The following PCDHGA2 variants were observed in gnomAD, a reference collection of about 807,000 sequenced individuals.
The protein encoded by PCDHGA2 is protocadherin gamma-A2.
PCDHGA2 carries 40 observed loss-of-function variants against 59.2 expected under a neutral mutation model. The observed-to-expected ratio is 0.68, with a 90% CI of 0.52 to 0.88. PCDHGA2 has a LOEUF of 0.88. PCDHGA2 is among the 40% of genes least tolerant of loss of function. The pLI, the probability that PCDHGA2 is intolerant of heterozygous loss-of-function variation, is 0.00. For synonymous variants in PCDHGA2, 560 were observed against 526.0 expected, an observed-to-expected ratio of 1.06 and a Z score of -0.89; for missense variants, 1,226 against 1,204.0, an observed-to-expected ratio of 1.02 and a Z score of -0.27.
chr5:141,476,507 A>G lies in PCDHGA2; in HGVS notation c.2425-18300A>G. 1 of 1,614,102 alleles carries G rather than the reference A, an allele frequency of 6.2e-7. No individual in the cohort carries two copies. The highest frequency in any genetic ancestry group is 8.5e-7 in the Non-Finnish European group (1 of 1,180,008). On this transcript the variant is annotated intron_variant, in intron 1 of 3. Transcript: ENST00000394576. This position sits in a 1 kb window ranked among gnomAD's most constrained non-coding sequence, Gnocchi z 7.6. Reference sequence around the variant, plus strand: ...AGTGGTGATCCAGGACATCAACGACAACAATCCTGCTTTCCCTACCCAGGA... The same window carrying G: ...AGTGGTGATCCAGGACATCAACGACGACAATCCTGCTTTCCCTACCCAGGA...
At chr5:141,375,751 T>C (rs1389189532) in intron 1 of PCDHGA2, 3 of 1,614,108 alleles carry the variant, frequency 1.9e-6, no homozygotes, top group Non-Finnish European at 2.5e-6. Context: ...TGGACCAGAA[T>C]GACAATGCGC....
At chr5:141,346,901 T>C (rs562632250) in intron 1 of PCDHGA2, among the ~76,000 whole-genome samples, 2 of 152,364 alleles carry the variant, frequency 1.3e-5, no homozygotes, top group Admixed American at 6.5e-5. Context: ...TCCTGATACA[T>C]ACAAGTAAAA....
At chr5:141,415,614 G>A (rs1476229913) in intron 1 of PCDHGA2, 1 of 1,612,128 alleles carries the variant, frequency 6.2e-7, no homozygotes, top group Admixed American at 1.7e-5. Flanking sequence ...TGGTTCCAGT[G>A]AGTTTTATTT....
chr5:141,431,066 CAATT>C lies in PCDHGA2; in HGVS notation c.2425-63738_2425-63735del, dbSNP rs762972663. ...GCTCTGTATGGGGGCCATCAAGTGT[CAATT>C]AAATCTAGACATTCTGATGGAGGAT... On this transcript the variant is annotated intron_variant, in intron 1 of 3. Transcript: ENST00000394576. This position sits in a 1 kb window ranked among gnomAD's most constrained non-coding sequence, Gnocchi z 4.8. 9 of 1,614,042 alleles carry C rather than the reference CAATT, an allele frequency of 5.6e-6. No individual in the cohort carries two copies. The East Asian group carries it at 2.0e-4, about 36-fold the overall frequency.
intron 1 of PCDHGA2, chr5:141,344,667 C>G (rs1261447626): frequency 6.2e-7 from 1 of 1,613,862 alleles, no homozygotes; most frequent in Non-Finnish European, 8.5e-7. Flanking sequence ...CCAGCTTGTC[C>G]TGGTTGCCTC....
At chr5:141,465,186 G>T (rs2099098546) in intron 1 of PCDHGA2, among the ~76,000 whole-genome samples, 1 of 151,852 alleles carries the variant, frequency 6.6e-6, no homozygotes, top group African/African-American at 2.4e-5. Flanking sequence ...TTAATTAAAA[G>T]ATAAAAATAA....
At chr5:141,364,096 G>A in intron 1 of PCDHGA2, 1 of 400,034 alleles carries the variant, frequency 2.5e-6, no homozygotes, top group Non-Finnish European at 4.4e-6. Context: ...GGAATTTGAT[G>A]CAGTCACTGG....
At chr5:141,415,401 G>A (rs1408496357) in intron 1 of PCDHGA2, 9 of 1,614,088 alleles carry the variant, frequency 5.6e-6, no homozygotes, top group East Asian at 2.2e-5. Context: ...TGTCCGGCTC[G>A]CACTTTGTGG....
At chr5:141,398,611 A>C (rs2093677658) in intron 1 of PCDHGA2, 3 of 1,613,944 alleles carry the variant, frequency 1.9e-6, no homozygotes, top group Non-Finnish European at 2.5e-6. Flanking sequence ...AGATGCAGAT[A>C]TTGGCTTAAA....
intron 1 of PCDHGA2, chr5:141,365,192 A>C: frequency 6.2e-7 from 1 of 1,613,930 alleles, no homozygotes; most frequent in South Asian, 1.1e-5. Context: ...AGAAGAAAAA[A>C]TTTCGGAGAC....
chr5:141,484,266 T>G (rs2099593967), intron 1 of PCDHGA2, among the ~76,000 whole-genome samples: 1 of 152,220 alleles, frequency 6.6e-6, no homozygotes, highest in Non-Finnish European at 1.5e-5. Flanking sequence ...ACACTGATTC[T>G]TTACTGTTTT....
intron 1 of PCDHGA2, among the ~76,000 whole-genome samples, chr5:141,456,736 G>A (rs1339661302): frequency 1.3e-5 from 2 of 151,924 alleles, no homozygotes; most frequent in Non-Finnish European, 2.9e-5. Context: ...AGGCTGAGGC[G>A]GGAGCATCAT....
In PCDHGA2 at chr5:141,344,587, T is replaced by A. The variant is rs749601680; in HGVS notation, c.2424+3192T>A. On this transcript the variant is annotated intron_variant, in intron 1 of 3. Coordinates refer to ENST00000394576, the MANE Select transcript of PCDHGA2 (RefSeq NM_018915.4). Reference sequence around the variant, plus strand: ...TACTTCTCTCTGGCTGTGAATAGCGTCTCTGAGGGGGCCAAGTATCCAGAG... The same window carrying A: ...TACTTCTCTCTGGCTGTGAATAGCGACTCTGAGGGGGCCAAGTATCCAGAG... 4 of 1,613,870 alleles carry A rather than the reference T, an allele frequency of 2.5e-6. No individual in the cohort carries two copies. The African/African-American group carries it at 5.3e-5, about 22-fold the overall frequency.
At chr5:141,455,903 ATTTATTT>A (rs2098836354) in intron 1 of PCDHGA2, among the ~76,000 whole-genome samples, 1 of 145,228 alleles carries the variant, frequency 6.9e-6, no homozygotes, top group African/African-American at 2.7e-5. Context: ...TTATTTATTT[ATTTATTT>A]ATTTTGAGAC....
chr5:141,395,542 TTGTGTGTG>T (rs55729045), intron 1 of PCDHGA2: 8,424 of 171,616 alleles, frequency 0.049, 167 homozygotes, highest in African/African-American at 0.088. Context: ...TTGCTATTGT[TTGTGTGTG>T]TGTGTGTGTG....
chr5:141,445,093 A>G (rs987863232), intron 1 of PCDHGA2, among the ~76,000 whole-genome samples: 2 of 152,168 alleles, frequency 1.3e-5, no homozygotes, highest in Non-Finnish European at 2.9e-5. Flanking sequence ...TACATATTTG[A>G]TGTTTTCTAA....
intron 1 of PCDHGA2, chr5:141,360,157 T>G (rs185682995): frequency 6.2e-7 from 1 of 1,603,294 alleles, no homozygotes; most frequent in African/African-American, 1.3e-5. Context: ...CTCAGGGAGG[T>G]GCGGGCTGGT....
chr5:141,373,102 C>T (rs182664411), intron 1 of PCDHGA2, among the ~76,000 whole-genome samples: 60 of 152,332 alleles, frequency 3.9e-4, no homozygotes, highest in Admixed American at 3.5e-3. Flanking sequence ...CATTTTCAGA[C>T]ATATCTATCC....
At chr5:141,377,890 C>G (rs1204585448) in intron 1 of PCDHGA2, 1 of 152,090 alleles carries the variant, frequency 6.6e-6, no homozygotes, top group Non-Finnish European at 1.5e-5. Context: ...GATAGGATCC[C>G]CCTCTGTTGC....
Sources: allele counts gnomAD v4.1 joint callset (sites outside exome capture counted in the v4.1 genomes callset), GRCh38; gene constraint gnomAD v4.1.1; non-coding constraint Gnocchi (gnomAD v3.1); transcripts MANE v1.5; gene names NCBI Gene and HGNC (gene_info 2026-07-23, HGNC 2026-07-21).